ADGRV1: variants seen among roughly 807,000 people sequenced by gnomAD.
ADGRV1 encodes the protein adhesion G protein-coupled receptor V1.
Under a neutral mutation model 596.2 loss-of-function variants are expected in ADGRV1, and 359 were observed. The observed-to-expected ratio is 0.60, with a 90% confidence interval of 0.55 to 0.66. ADGRV1 has a LOEUF of 0.66. Among genes scored for constraint, ADGRV1 ranks in the 30% least tolerant of loss-of-function variants. The pLI, the probability that ADGRV1 is intolerant of heterozygous loss-of-function variation, is 0.00. For missense variants in ADGRV1, 7,274 were observed against 7,575.6 expected (o/e 0.96, Z 1.48); for synonymous variants, 2,681 against 2,679.2 (o/e 1.00, Z -0.02).
At chr5:90,958,487 C>G (rs918173392) in intron 83 of ADGRV1, among the ~76,000 whole-genome samples, 2 of 152,060 alleles carry the variant, frequency 1.3e-5, no homozygotes, top group African/African-American at 4.8e-5. Context: ...CATCATACTT[C>G]TATTTGTTTG....
chr5:91,009,166 T>C (rs1782528056), intron 85 of ADGRV1, among the ~76,000 whole-genome samples: 1 of 152,188 alleles, frequency 6.6e-6, no homozygotes, highest in Admixed American at 6.5e-5. Context: ...CTGAGTTCTT[T>C]CAAGCTTGAC....
chr5:91,040,614 T>G (rs911913547), intron 85 of ADGRV1, among the ~76,000 whole-genome samples: 16 of 152,214 alleles, frequency 1.1e-4, no homozygotes, highest in Non-Finnish European at 1.5e-5. Flanking sequence ...GCATCATACA[T>G]AGACTGCCAA....
chr5:91,003,671 C>T (rs1315751575), intron 85 of ADGRV1, among the ~76,000 whole-genome samples: 3 of 152,100 alleles, frequency 2.0e-5, no homozygotes, highest in Non-Finnish European at 4.4e-5. Flanking sequence ...TTTAAACACT[C>T]AGACAAAAAT....
In ADGRV1 at chr5:90,658,182, T is replaced by G; in HGVS notation, c.4656T>G (p.Ala1552=). 1 of 1,589,852 alleles carries G rather than the reference T, an allele frequency of 6.3e-7. No individual in the cohort carries two copies. The highest frequency in any genetic ancestry group is 8.6e-7 in the Non-Finnish European group (1 of 1,166,292). ...ILKLVSVYGG[A]RISEENTTAR... ...AACTAGTTTCTGTATATGGAGGAGC[T>G]CGTATTTCGGAAGAAAATACTACTG... is the stretch of plus-strand genomic sequence containing the variant. The change falls in exon 21 of 90, where the codon GCT becomes GCG. Residue 1552 remains alanine, a synonymous_variant. Coordinates refer to ENST00000405460, the MANE Select transcript of ADGRV1 (RefSeq NM_032119.4).
At chr5:91,116,892 A>G (rs16869469) in intron 87 of ADGRV1, among the ~76,000 whole-genome samples, 10,076 of 152,212 alleles carry the variant, frequency 0.066, 1,066 homozygotes, top group African/African-American at 0.23. Context: ...GAAAATTGGT[A>G]AAATCAGGAT....
intron 77 of ADGRV1, among the ~76,000 whole-genome samples, chr5:90,838,114 A>C (rs1341566667): frequency 6.6e-6 from 1 of 152,068 alleles, no homozygotes; most frequent in African/African-American, 2.4e-5. Context: ...TTTCATTTTA[A>C]CTGTTATATA....
intron 59 of ADGRV1, among the ~76,000 whole-genome samples, chr5:90,769,947 G>A (rs1423059773): frequency 1.3e-5 from 2 of 152,052 alleles, no homozygotes; most frequent in African/African-American, 4.8e-5. Context: ...GATAACAGTG[G>A]GAACACTAAA....
At chr5:90,955,556 G>A (rs979115320) in intron 83 of ADGRV1, among the ~76,000 whole-genome samples, 1 of 152,158 alleles carries the variant, frequency 6.6e-6, no homozygotes, top group Non-Finnish European at 1.5e-5. Context: ...TTGATGGAAT[G>A]AATGAATGAT....
chr5:90,810,525 T>A lies in ADGRV1; in HGVS notation c.15265T>A (p.Phe5089Ile). 1 of 1,613,608 alleles carries A rather than the reference T, an allele frequency of 6.2e-7. No individual in the cohort carries two copies. Among genetic ancestry groups the A allele is most frequent in the Non-Finnish European group, 8.5e-7 (1 of 1,179,576 alleles). Residue 5089 changes from phenylalanine to isoleucine, a missense_variant, in exon 74 of 90, where the codon TTT becomes ATT. By Grantham distance (21) the Phe-to-Ile change is conservative. This residue lies in a region of ADGRV1 where 1,874 missense variants were observed against 1,970.2 expected (regional missense o/e 0.95). Transcript: ENST00000405460. ...TGATCAGCTTTCTGAGATAGAAGAA[T>A]TTTTTTACATTAACCTTACTTCAGT... is the stretch of plus-strand genomic sequence containing the variant. Reference protein sequence around the residue: ...INDQLSEIEEFFYINLTSVEI... With the variant: ...INDQLSEIEEIFYINLTSVEI...
chr5:90,980,581 C>G (rs1779998388), intron 84 of ADGRV1, among the ~76,000 whole-genome samples: 1 of 152,082 alleles, frequency 6.6e-6, no homozygotes, highest in Non-Finnish European at 1.5e-5. Flanking sequence ...AGCTTAGAAA[C>G]AGAAGTGTAA....
At chr5:90,928,271 A>G (rs1478603956) in intron 83 of ADGRV1, among the ~76,000 whole-genome samples, 11 of 152,192 alleles carry the variant, frequency 7.2e-5, no homozygotes, top group African/African-American at 1.7e-4. Flanking sequence ...AGGTACACCA[A>G]TCAGACGTAG....
chr5:90,700,318 G>A (rs1747749154), intron 34 of ADGRV1, among the ~76,000 whole-genome samples: 1 of 152,166 alleles, frequency 6.6e-6, no homozygotes, highest in Non-Finnish European at 1.5e-5. Flanking sequence ...GATTTAAAAT[G>A]TGGACTATGC....
At chr5:90,978,476 A>G (rs1779812992) in intron 84 of ADGRV1, among the ~76,000 whole-genome samples, 2 of 152,100 alleles carry the variant, frequency 1.3e-5, no homozygotes, top group Admixed American at 6.6e-5. Context: ...AATGGGCGCA[A>G]AAATATAGTT....
chr5:90,620,547 T>G (rs1580476780), intron 4 of ADGRV1, among the ~76,000 whole-genome samples: 2 of 152,294 alleles, frequency 1.3e-5, no homozygotes, highest in African/African-American at 4.8e-5. Flanking sequence ...TTCTGTAGGT[T>G]GCCTGTTCAC....
At chr5:90,942,119 C>A (rs567315111) in intron 83 of ADGRV1, among the ~76,000 whole-genome samples, 11 of 152,100 alleles carry the variant, frequency 7.2e-5, no homozygotes, top group African/African-American at 2.7e-4. Flanking sequence ...TCTTAGTTGT[C>A]GACTCATTGA....
chr5:91,132,808 A>G (rs1448735876), intron 87 of ADGRV1, among the ~76,000 whole-genome samples: 1 of 152,212 alleles, frequency 6.6e-6, no homozygotes, highest in Non-Finnish European at 1.5e-5. Context: ...TGAGTTAATG[A>G]ATGTGCAAAG....
chr5:91,158,039 A>G (rs975865771), intron 89 of ADGRV1, among the ~76,000 whole-genome samples: 1 of 152,192 alleles, frequency 6.6e-6, no homozygotes, highest in Non-Finnish European at 1.5e-5. Flanking sequence ...CACCTATAAT[A>G]ACTGGGCTAG....
At chr5:90,672,379 A>G (rs922486886) in intron 21 of ADGRV1, among the ~76,000 whole-genome samples, 167 bp from the exon 22 acceptor site, 1 of 152,180 alleles carries the variant, frequency 6.6e-6, no homozygotes, top group Admixed American at 6.5e-5. Flanking sequence ...AATATTTCTT[A>G]GCAGTCAAAG....
At chr5:91,093,803 T>C (rs1790585833) in intron 86 of ADGRV1, among the ~76,000 whole-genome samples, 1 of 151,974 alleles carries the variant, frequency 6.6e-6, no homozygotes, top group Non-Finnish European at 1.5e-5. Flanking sequence ...CATATAAACA[T>C]GAACTTTTAA....
Sources: gnomAD v4.1 joint callset for allele counts (sites outside exome capture counted in the v4.1 genomes callset) on GRCh38, gnomAD v4.1.1 for gene constraint, gnomAD v4.1.1 regional missense constraint, MANE v1.5 for transcripts, NCBI Gene and HGNC (gene_info 2026-07-23, HGNC 2026-07-21) for gene names.